Variants in DUOX2 observed in about 807,000 individuals in gnomAD.
DUOX2 encodes dual oxidase 2.
Under a neutral mutation model 183.3 loss-of-function variants are expected in DUOX2, and 185 were observed. The observed-to-expected ratio is 1.01, with a 90% confidence interval of 0.90 to 1.14. The LOEUF is 1.14. Among genes scored for constraint, DUOX2 ranks in the 50% most tolerant of loss-of-function variants. DUOX2 has a pLI of 0.00. For missense variants in DUOX2, 1,999 were observed against 2,022.9 expected (o/e 0.99, Z 0.23); for synonymous variants, 788 against 812.4 (o/e 0.97, Z 0.51).
intron 28 of DUOX2, 78 bp from the exon 29 acceptor site, chr15:45,097,469 C>A: frequency 6.2e-7 from 1 of 1,613,136 alleles, no homozygotes; most frequent in East Asian, 2.2e-5. Context: ...AGGCACTAGG[C>A]CTGTGCCGGG....
At position 45,113,053 on chromosome 15, in the gene DUOX2, G is replaced by T. The variant is rs759506030; in HGVS notation, c.94C>A (p.Pro32Thr). 2 of 1,614,014 alleles carry T rather than the reference G, an allele frequency of 1.2e-6. No individual in the cohort carries two copies. Among genetic ancestry groups the T allele is most frequent in the Non-Finnish European group, 1.7e-6 (2 of 1,180,008 alleles). ...PSGSQDALSL[P>T]WEVQRYDGWF... ...CCGTCATAGCGCTGCACTTCCCAGG[G>T]CAGTGAGAGTGCGTCCTGACTGCCT... The change falls in exon 3 of 34, where the codon CCC (proline) becomes ACC (threonine). Residue 32 changes from proline to threonine, a missense_variant. Physicochemically the swap from Pro to Thr is conservative, Grantham distance 38. This residue lies in a region of DUOX2 where 356 missense variants were observed against 356.4 expected (regional missense o/e 1.00). Coordinates refer to ENST00000389039, the MANE Select transcript of DUOX2 (RefSeq NM_001363711.2).
chr15:45,112,028 A>G (rs563347495), intron 4 of DUOX2, 73 bp from the exon 5 acceptor site: 9 of 1,565,172 alleles, frequency 5.8e-6, no homozygotes, highest in African/African-American at 2.7e-5. Flanking sequence ...GCGGCCTCCA[A>G]GTGTCCTCAG....
intron 17 of DUOX2, 43 bp downstream of exon 17, chr15:45,106,082 C>A: frequency 6.2e-7 from 1 of 1,607,024 alleles, no homozygotes; most frequent in South Asian, 1.1e-5. Context: ...ATAATGGAGT[C>A]GTGTGAGGGC....
At chr15:45,096,951 T>C (rs1054627696) in intron 29 of DUOX2, among the ~76,000 whole-genome samples, 2 of 152,122 alleles carry the variant, frequency 1.3e-5, no homozygotes, top group African/African-American at 4.8e-5. Context: ...AGGCCACACA[T>C]GTGGGGCCCT....
intron 4 of DUOX2, 116 bp downstream of exon 4, chr15:45,112,438 A>G (rs1595529530): frequency 1.5e-6 from 2 of 1,290,930 alleles, no homozygotes; most frequent in Non-Finnish European, 2.2e-6. Flanking sequence ...CTGCGTAGAG[A>G]GGAAGTGGTT....
At chr15:45,109,010 G>A (rs1894308020) in intron 11 of DUOX2, 58 bp from the exon 12 acceptor site, 3 of 1,602,920 alleles carry the variant, frequency 1.9e-6, no homozygotes, top group South Asian at 2.2e-5. Flanking sequence ...TTTTTGCCCT[G>A]CAGCCTTGTA....
chr15:45,099,300 G>A (rs968621719), intron 26 of DUOX2, 83 bp downstream of exon 26: 193 of 1,298,084 alleles, frequency 1.5e-4, no homozygotes, highest in Admixed American at 3.4e-4. Context: ...GTGAGCCACC[G>A]CGCCCGGCCT....
In DUOX2 at chr15:45,108,795, G is replaced by A; in HGVS notation, c.1392C>T (p.Asp464=). The part of the protein sequence containing the change: ...RNWSDLNPNV[D]PQVLEATAAL... Reference sequence around the variant, plus strand: ...TATCATTACTATTCCTGACCTGGGGGTCCACATTAGGGTTGAGATCACTCC... The same window carrying A: ...TATCATTACTATTCCTGACCTGGGGATCCACATTAGGGTTGAGATCACTCC... Residue 464 remains aspartate (D), a synonymous_variant, in exon 12 of 34, where the codon GAC becomes GAT. Transcript: ENST00000389039. 2 of 1,614,226 alleles carry A rather than the reference G, an allele frequency of 1.2e-6. No homozygotes were observed. Among genetic ancestry groups the A allele is most frequent in the East Asian group, 2.2e-5 (1 of 44,890 alleles).
Position 45,113,960 on chromosome 15 carries a change from A to T in DUOX2, c.-15+13T>A, listed in dbSNP as rs937960098. 1 of 188,876 alleles carries T rather than the reference A, an allele frequency of 5.3e-6. No homozygotes were observed. Among genetic ancestry groups the T allele is most frequent in the African/African-American group, 2.3e-5 (1 of 42,616 alleles). The allele number at this position is 188,876 out of a possible 1,614,324, so 11.7% of individuals were successfully genotyped here. A position where few individuals can be genotyped will look rare whatever the true frequency, so the allele number is the denominator to read the frequency against. ...GGCGAGGGCTAGGGTCAGATCCCAA[A>T]CTCTGGTCTAACCTGTGGTTTAGGG... On this transcript the variant is annotated intron_variant, in intron 1 of 33. Coordinates refer to ENST00000389039, the MANE Select transcript of DUOX2 (RefSeq NM_001363711.2).
At chr15:45,112,739 G>A (rs1286650457) in intron 3 of DUOX2, 21 bp from the exon 4 acceptor site, 16 of 1,609,740 alleles carry the variant, frequency 9.9e-6, no homozygotes, top group Non-Finnish European at 1.3e-5. Context: ...AGGGAGCGGG[G>A]CTCTGTCTAA....
chr15:45,103,616 T>C (rs1395688136), intron 20 of DUOX2, among the ~76,000 whole-genome samples: 1 of 151,846 alleles, frequency 6.6e-6, no homozygotes, highest in Non-Finnish European at 1.5e-5. Flanking sequence ...GAGCACGGTG[T>C]TGGGCGTGCC....
Position 45,094,561 on chromosome 15 carries a change from ACCTGTGGGTGGACCT to A in DUOX2, c.4511_4524+1del. 6.2e-7 allele frequency: 1 copy of A among 1,612,880 alleles called. No individual in the cohort carries two copies. The highest frequency in any genetic ancestry group is 8.5e-7 in the Non-Finnish European group (1 of 1,179,558). ...CCCAGGGTGGGAGGGAGTGGGACTGACCTGTGGGTGGACCTCCTGCAGGGAGTTGAAGAAGGGCTC... is the reference window on the plus strand; with the variant it reads ...CCCAGGGTGGGAGGGAGTGGGACTGACCTGCAGGGAGTTGAAGAAGGGCTC... On this transcript the variant is annotated splice_donor_variant and coding_sequence_variant, in exon 33 of 34. Transcript: ENST00000389039. LOFTEE classifies it high-confidence loss of function.
At chr15:45,106,445 C>T (rs1183200864) in intron 16 of DUOX2, 83 bp downstream of exon 16, 1 of 1,588,870 alleles carries the variant, frequency 6.3e-7, no homozygotes, top group Non-Finnish European at 8.6e-7. Flanking sequence ...TTTCCTCTCA[C>T]TCTGTAACTT....
intron 1 of DUOX2, among the ~76,000 whole-genome samples, chr15:45,113,670 C>T (rs1246261454): frequency 6.6e-6 from 1 of 152,128 alleles, no homozygotes; most frequent in African/African-American, 2.4e-5. Context: ...GAGAGTTAAC[C>T]CCCGACCATA....
Position 45,110,492 on chromosome 15 carries a change from G to C in DUOX2, c.976C>G (p.Pro326Ala). ...TGCTCAGAGGCCACCACAAATTCCG[G>C]GGAGATGCTGGGGTCTAGGAAAGGA... ...YRPFLDPSIS[P>A]EFVVASEQFF... The change falls in exon 9 of 34, where the codon CCG becomes GCG. Residue 326 changes from proline (P) to alanine (A), a missense_variant. Pro to Ala is a conservative substitution (Grantham distance 27). This residue lies in a region of DUOX2 where 1,628 missense variants were observed against 1,608.6 expected (regional missense o/e 1.01). Coordinates refer to ENST00000389039, the MANE Select transcript of DUOX2 (RefSeq NM_001363711.2). 1 of 1,614,156 alleles carries C rather than the reference G, an allele frequency of 6.2e-7. No homozygotes were observed. The highest frequency in any genetic ancestry group is 1.1e-5 in the South Asian group (1 of 91,088).
chr15:45,097,206 G>C, intron 29 of DUOX2, 32 bp downstream of exon 29: 1 of 1,613,662 alleles, frequency 6.2e-7, no homozygotes, highest in South Asian at 1.1e-5. Context: ...GGCCTCTGTC[G>C]CTCCCGACCC....
rs147702726 is a variant in DUOX2 at position 45,106,952 on chromosome 15, G to C, written c.1711C>G (p.Pro571Ala). The change falls in exon 15 of 34, where the codon CCT becomes GCT. Residue 571 changes from proline (P) to alanine (A), a missense_variant. Physicochemically the swap from Pro to Ala is conservative, Grantham distance 27. This residue lies in a region of DUOX2 where 1,628 missense variants were observed against 1,608.6 expected (regional missense o/e 1.01). Coordinates refer to ENST00000389039, the MANE Select transcript of DUOX2 (RefSeq NM_001363711.2). Reference protein sequence around the residue: ...VWHKGAPCPQPKQLTTDGLPQ... With the variant: ...VWHKGAPCPQAKQLTTDGLPQ... ...AGGCCGTCAGTTGTGAGCTGCTTAG[G>C]TTGAGGGCAGGGTGCACCTGAGGGA... The C allele has an allele frequency of 6.3e-7, 1 of 1,577,730 alleles. No homozygotes were observed. Among genetic ancestry groups the C allele is most frequent in the Non-Finnish European group, 8.6e-7 (1 of 1,161,872 alleles).
Position 45,099,834 on chromosome 15 carries a change from G to C in DUOX2, c.3243C>G (p.Ile1081Met). The change falls in exon 25 of 34, where the codon ATC (isoleucine) becomes ATG (methionine). Residue 1081 changes from isoleucine (I) to methionine (M), a missense_variant. Ile to Met is a conservative substitution (Grantham distance 10, BLOSUM62 1). Coordinates refer to ENST00000389039, the MANE Select transcript of DUOX2 (RefSeq NM_001363711.2). Reference protein sequence around the residue: ...DIAQTTLVGIILSRGTAASVS... With the variant: ...DIAQTTLVGIMLSRGTAASVS... ...CGCTGGCCGCCGTGCCTCGTGACAGGATGATGCCCACGAGGGTGGTCTGTG... is the reference window on the plus strand; with the variant it reads ...CGCTGGCCGCCGTGCCTCGTGACAGCATGATGCCCACGAGGGTGGTCTGTG... The C allele has an allele frequency of 6.2e-7, 1 of 1,614,242 alleles. No individual in the cohort carries two copies. Among genetic ancestry groups the C allele is most frequent in the Non-Finnish European group, 8.5e-7 (1 of 1,180,040 alleles).
intron 13 of DUOX2, 59 bp from the exon 14 acceptor site, chr15:45,107,522 C>T: frequency 1.3e-6 from 2 of 1,575,432 alleles, no homozygotes; most frequent in South Asian, 1.1e-5. Flanking sequence ...CTCCAGCAAC[C>T]CCAGGCCCAA....
Sources: allele counts gnomAD v4.1 joint callset (sites outside exome capture counted in the v4.1 genomes callset), GRCh38; gene constraint gnomAD v4.1.1; regional missense constraint gnomAD v4.1.1; transcripts MANE v1.5; gene names NCBI Gene and HGNC (gene_info 2026-07-23, HGNC 2026-07-21).